Variants in CHST8 observed in about 807,000 individuals in gnomAD.
CHST8 encodes the protein carbohydrate sulfotransferase 8, also known as GALNAC-4-ST1.
A neutral mutation model predicts 15.0 loss-of-function variants in CHST8; 10 were observed. The ratio of observed to expected loss-of-function variants is 0.67; its 90% CI spans 0.41 to 1.13. The LOEUF is 1.13. Ranked by LOEUF, CHST8 falls within the 50% of genes most tolerant of loss-of-function variation. The probability of loss-of-function intolerance (pLI) is 0.00; values close to 1 mark genes in which losing one functional copy is unlikely to be tolerated. For missense variants in CHST8, 634 were observed against 608.2 expected, an observed-to-expected ratio of 1.04 and a Z score of -0.45; for synonymous variants, 259 against 256.6, an observed-to-expected ratio of 1.01 and a Z score of -0.09.
At chr19:33,760,889 A>G (rs559195781) in intron 3 of CHST8, among the ~76,000 whole-genome samples, 1 of 152,236 alleles carries the variant, frequency 6.6e-6, no homozygotes, top group South Asian at 2.1e-4. Context: ...TGGAAGCTTC[A>G]TGAGGGCAGG....
At chr19:33,730,964 TG>T (rs1973983164) in intron 3 of CHST8, among the ~76,000 whole-genome samples, 1 of 152,242 alleles carries the variant, frequency 6.6e-6, no homozygotes, top group African/African-American at 2.4e-5. Context: ...AGATGGAAGC[TG>T]GAAGACTCAG....
intron 1 of CHST8, among the ~76,000 whole-genome samples, chr19:33,627,777 C>G (rs542534804): frequency 6.6e-6 from 1 of 152,246 alleles, no homozygotes; most frequent in African/African-American, 2.4e-5. Flanking sequence ...TCGCCCTGCC[C>G]CTGCATGTTT....
At position 33,771,966 on chromosome 19, in the gene CHST8, C is replaced by T; in HGVS notation, c.178C>T (p.Pro60Ser). 1 of 1,566,684 alleles carries T rather than the reference C, an allele frequency of 6.4e-7. No individual in the cohort carries two copies. The highest frequency in any genetic ancestry group is 8.6e-7 in the Non-Finnish European group (1 of 1,159,134). ...TCTCTTCTTGCCCCAGGACCTCCCA[C>T]CAGGCGGCTCCCAGGATGGTGACTT... The part of the protein sequence containing the change: ...RPRQPHHDLP[P>S]GGSQDGDLKE... Residue 60 changes from proline (P) to serine (S), a missense_variant, in exon 5 of 5, where the codon CCA (proline) becomes TCA (serine). Transcript: ENST00000650847.
At chr19:33,715,728 T>C (rs1025079822) in intron 3 of CHST8, among the ~76,000 whole-genome samples, 4 of 152,200 alleles carry the variant, frequency 2.6e-5, no homozygotes, top group African/African-American at 7.2e-5. Flanking sequence ...TACGATCATG[T>C]CCAACCAGCT....
At chr19:33,749,967 A>G (rs1383073982) in intron 3 of CHST8, among the ~76,000 whole-genome samples, 1 of 151,808 alleles carries the variant, frequency 6.6e-6, no homozygotes, top group African/African-American at 2.4e-5. Flanking sequence ...CACAGGCTGC[A>G]CTCTCTGAGT....
At chr19:33,710,549 T>G (rs1599573410) in intron 3 of CHST8, among the ~76,000 whole-genome samples, 1 of 152,376 alleles carries the variant, frequency 6.6e-6, no homozygotes, top group East Asian at 1.9e-4. Flanking sequence ...CTGTGTTAGC[T>G]TTAGTCAACT....
chr19:33,672,006 T>C (rs1972744166), intron 2 of CHST8, among the ~76,000 whole-genome samples: 1 of 152,076 alleles, frequency 6.6e-6, no homozygotes, highest in Non-Finnish European at 1.5e-5. Context: ...CTTTATGTTA[T>C]TTACCTGTAT....
chr19:33,647,004 A>AAAG (rs1049608354), intron 1 of CHST8, among the ~76,000 whole-genome samples: 10 of 152,250 alleles, frequency 6.6e-5, no homozygotes, highest in Non-Finnish European at 1.3e-4. Context: ...AGGAATGAAC[A>AAAG]AAGACAGCTT....
Position 33,772,314 on chromosome 19 carries a change from G to C in CHST8, c.526G>C (p.Val176Leu). The C allele has an allele frequency of 6.2e-7, 1 of 1,604,268 alleles. No individual in the cohort carries two copies. The highest frequency in any genetic ancestry group is 8.5e-7 in the Non-Finnish European group (1 of 1,179,186). ...CCGGGCGAGCAGCAGCCGCCGGGCC[G>C]TCACGCCCCGCCACGTGTCCCGTAT... ...KYRASSSRRA[V>L]TPRHVSRIFV... Residue 176 changes from valine (V) to leucine (L), a missense_variant, in exon 5 of 5, where the codon GTC becomes CTC. Transcript: ENST00000650847.
intron 3 of CHST8, among the ~76,000 whole-genome samples, chr19:33,704,675 C>T (rs986450656): frequency 4.6e-5 from 7 of 152,086 alleles, no homozygotes; most frequent in South Asian, 2.1e-4. Context: ...TTTGGGAGGC[C>T]GAAGCAGGCG....
chr19:33,667,583 C>A (rs980092179), intron 1 of CHST8, among the ~76,000 whole-genome samples, 184 bp from the exon 2 acceptor site: 1 of 152,046 alleles, frequency 6.6e-6, no homozygotes, highest in African/African-American at 2.4e-5. Context: ...CGAGATGATT[C>A]GTAACCAGCT....
chr19:33,719,073 C>G lies in CHST8; in HGVS notation c.130+29682C>G, dbSNP rs543164380. Among the ~76,000 whole-genome samples the G allele has an allele frequency of 4.6e-5, 7 of 152,296 alleles. No individual in the cohort carries two copies. In the South Asian group the frequency reaches 1.4e-3, roughly 32 times the overall value. On this transcript the variant is annotated intron_variant, in intron 3 of 4. Transcript: ENST00000650847. ...GCCCAGCCTCCTCTCCCCCACCCCC[C>G]TGCCAGTGATGTCATAGGTGTGACA...
intron 3 of CHST8, among the ~76,000 whole-genome samples, chr19:33,725,269 C>T (rs1191085736): frequency 1.2e-4 from 18 of 152,064 alleles, no homozygotes; most frequent in Non-Finnish European, 1.5e-5. Flanking sequence ...CTGACTGATG[C>T]CCCTCCCCAC....
intron 2 of CHST8, among the ~76,000 whole-genome samples, chr19:33,671,227 T>C (rs573836980): frequency 6.6e-6 from 1 of 152,284 alleles, no homozygotes; most frequent in East Asian, 1.9e-4. Context: ...CACGTTGATA[T>C]CACAGCATCA....
At chr19:33,673,436 G>C (rs1248314566) in intron 2 of CHST8, among the ~76,000 whole-genome samples, 1 of 152,190 alleles carries the variant, frequency 6.6e-6, no homozygotes, top group African/African-American at 2.4e-5. Context: ...GGTGGGGCAG[G>C]GGGAGTGGTG....
chr19:33,672,849 T>C (rs1384970755), intron 2 of CHST8, among the ~76,000 whole-genome samples: 4 of 152,194 alleles, frequency 2.6e-5, no homozygotes, highest in Non-Finnish European at 5.9e-5. Flanking sequence ...TGACATTTTC[T>C]GAGCCGCCAA....
intron 3 of CHST8, among the ~76,000 whole-genome samples, chr19:33,716,614 C>T (rs560069982): frequency 2.6e-5 from 4 of 152,294 alleles, no homozygotes; most frequent in East Asian, 3.9e-4. Flanking sequence ...GCGATCCTCC[C>T]GCACTGGCCT....
intron 3 of CHST8, among the ~76,000 whole-genome samples, chr19:33,730,187 G>A (rs963388451): frequency 2.0e-5 from 3 of 152,172 alleles, no homozygotes; most frequent in South Asian, 2.1e-4. Context: ...TATTCCCGTC[G>A]AGAACCCGGC....
chr19:33,625,131 G>A (rs1600221517), intron 1 of CHST8, among the ~76,000 whole-genome samples: 1 of 151,752 alleles, frequency 6.6e-6, no homozygotes, highest in African/African-American at 2.4e-5. Context: ...TGTTGCCCAG[G>A]CTAGAGTGCA....
Sources: allele counts gnomAD v4.1 joint callset (sites outside exome capture counted in the v4.1 genomes callset), GRCh38; gene constraint gnomAD v4.1.1; transcripts MANE v1.5; gene names NCBI Gene and HGNC (gene_info 2026-07-23, HGNC 2026-07-21).